Variants in AGBL1 observed in about 807,000 individuals in gnomAD.
AGBL1 encodes the protein cytosolic carboxypeptidase 4.
In AGBL1, 130 loss-of-function variants were observed where a neutral mutation model predicts 118.9. The observed-to-expected ratio is 1.09, with a 90% confidence interval of 0.95 to 1.26. The LOEUF (loss-of-function observed/expected upper bound fraction) is 1.26. AGBL1 is among the 50% of genes most tolerant of loss of function. The pLI, the probability that AGBL1 is intolerant of heterozygous loss-of-function variation, is 0.00. For synonymous variants in AGBL1, 555 were observed against 478.9 expected (o/e 1.16, Z -2.08); for missense variants, 1,584 against 1,298.1 (o/e 1.22, Z -3.38).
At chr15:86,961,172 A>C (rs981066753) in intron 23 of AGBL1, among the ~76,000 whole-genome samples, 1 of 152,076 alleles carries the variant, frequency 6.6e-6, no homozygotes, top group African/African-American at 2.4e-5. Context: ...ATTTCACAAT[A>C]CGTATGTGTT....
intron 21 of AGBL1, among the ~76,000 whole-genome samples, chr15:86,622,437 C>G (rs916315058): frequency 1.3e-5 from 2 of 151,588 alleles, no homozygotes; most frequent in Non-Finnish European, 2.9e-5. Flanking sequence ...AAACACTGAC[C>G]AAAAGAGACC....
chr15:86,898,442 C>T (rs1274721216), intron 22 of AGBL1, among the ~76,000 whole-genome samples: 4 of 152,146 alleles, frequency 2.6e-5, no homozygotes, highest in African/African-American at 4.8e-5. Context: ...GTTATCTCAG[C>T]ACAATTTATT....
At chr15:86,470,984 C>T (rs1027831453) in intron 18 of AGBL1, among the ~76,000 whole-genome samples, 4 of 152,032 alleles carry the variant, frequency 2.6e-5, no homozygotes, top group Non-Finnish European at 5.9e-5. Context: ...GATAATTTTA[C>T]TTATTCCTTT....
At chr15:86,849,952 A>G (rs529892102) in intron 22 of AGBL1, among the ~76,000 whole-genome samples, 1 of 152,362 alleles carries the variant, frequency 6.6e-6, no homozygotes, top group Non-Finnish European at 1.5e-5. Context: ...TTTGGAAAAT[A>G]AGAAAAAAAT....
At chr15:86,958,631 G>A (rs933958979) in intron 23 of AGBL1, among the ~76,000 whole-genome samples, 1 of 152,070 alleles carries the variant, frequency 6.6e-6, no homozygotes, top group Admixed American at 6.6e-5. Flanking sequence ...AAAACTAAAT[G>A]TAAAGACTCA....
intron 21 of AGBL1, among the ~76,000 whole-genome samples, chr15:86,633,132 G>A (rs563748185): frequency 6.6e-6 from 1 of 152,070 alleles, no homozygotes; most frequent in Non-Finnish European, 1.5e-5. Context: ...TATCTTGAAA[G>A]CAACTACAGA....
chr15:86,448,460 A>G (rs1302121086), intron 18 of AGBL1, among the ~76,000 whole-genome samples: 1 of 152,236 alleles, frequency 6.6e-6, no homozygotes, highest in Non-Finnish European at 1.5e-5. Context: ...AGAAGAGGCT[A>G]CATGAATTAC....
In AGBL1 at chr15:86,209,670, GATC is replaced by G. The variant is rs1484530258; in HGVS notation, c.489-15243_489-15241del. Among the ~76,000 whole-genome samples the G allele has an allele frequency of 5.3e-5, 8 of 151,936 alleles. No homozygotes were observed. The South Asian group carries it at 1.2e-3, about 24-fold the overall frequency. On this transcript the variant is annotated intron_variant, in intron 5 of 22. Coordinates refer to ENST00000614907, the MANE Select transcript of AGBL1 (RefSeq NM_001386094.1). ...TTTTTTGCTTTCCGTTTGCTTGGTA[GATC>G]TTCTTCCATCCCTTTATTTTGAGCC... is the stretch of plus-strand genomic sequence containing the variant.
At chr15:86,917,582 C>A (rs1222427599), downstream of AGBL1, among the ~76,000 whole-genome samples, 2 of 152,196 alleles carry the variant, frequency 1.3e-5, no homozygotes, top group Admixed American at 6.5e-5. The surrounding 1 kb of genome is among the most constrained non-coding windows in gnomAD (Gnocchi z 4.8). Context: ...ATGCGGATCA[C>A]CTCTACAACC....
At chr15:86,079,827 G>A (rs1256194965), upstream of AGBL1, 2 of 466,132 alleles carry the variant, frequency 4.3e-6, no homozygotes, top group East Asian at 3.5e-5. Context: ...GTTGCACCGC[G>A]CTGACTTCAC....
chr15:86,158,459 C>T (rs1203742703), intron 4 of AGBL1, among the ~76,000 whole-genome samples: 1 of 152,120 alleles, frequency 6.6e-6, no homozygotes, highest in Admixed American at 6.6e-5. Flanking sequence ...CTGTGGACTC[C>T]TCTTATTTTC....
intron 21 of AGBL1, among the ~76,000 whole-genome samples, chr15:86,556,621 G>A (rs1056936275): frequency 8.5e-5 from 13 of 152,254 alleles, no homozygotes; most frequent in East Asian, 3.9e-4. Flanking sequence ...TGATTTTTGC[G>A]TAAGGTACAT....
At chr15:86,399,742 C>T (rs1463308716) in intron 18 of AGBL1, among the ~76,000 whole-genome samples, 1 of 152,232 alleles carries the variant, frequency 6.6e-6, no homozygotes, top group African/African-American at 2.4e-5. Context: ...CTGGCCTGGA[C>T]ACACATTATT....
At chr15:86,472,882 G>A (rs1488652691) in intron 18 of AGBL1, among the ~76,000 whole-genome samples, 2 of 152,158 alleles carry the variant, frequency 1.3e-5, no homozygotes, top group Non-Finnish European at 2.9e-5. Flanking sequence ...TTGCACCACT[G>A]CACTCTAGTC....
intron 6 of AGBL1, among the ~76,000 whole-genome samples, chr15:86,227,583 G>T (rs76696516): frequency 0.024 from 3,591 of 152,306 alleles, 120 homozygotes; most frequent in African/African-American, 0.075. Context: ...CCCCATGGGG[G>T]GTGGACAGTA....
At chr15:86,126,460 T>C (rs1777437689) in intron 1 of AGBL1, among the ~76,000 whole-genome samples, 1 of 152,196 alleles carries the variant, frequency 6.6e-6, no homozygotes, top group African/African-American at 2.4e-5. Context: ...GATGGAATGT[T>C]TATATTTCCA....
At chr15:86,172,171 A>G (rs1187757612) in intron 5 of AGBL1, among the ~76,000 whole-genome samples, 1 of 152,206 alleles carries the variant, frequency 6.6e-6, no homozygotes, top group Non-Finnish European at 1.5e-5. Flanking sequence ...CCTGTTCTCC[A>G]AAAACCTATT....
At chr15:86,338,626 A>G (rs944956714) in intron 17 of AGBL1, among the ~76,000 whole-genome samples, 6 of 152,136 alleles carry the variant, frequency 3.9e-5, no homozygotes, top group Non-Finnish European at 8.8e-5. Flanking sequence ...TTTTGGACCC[A>G]TTTTGAAGGC....
At chr15:86,438,909 C>T (rs1413805042) in intron 18 of AGBL1, among the ~76,000 whole-genome samples, 1 of 152,062 alleles carries the variant, frequency 6.6e-6, no homozygotes, top group Non-Finnish European at 1.5e-5. Context: ...TGATCCACCA[C>T]CTCGGCCTCC....
Sources: gnomAD v4.1 joint callset for allele counts (sites outside exome capture counted in the v4.1 genomes callset) on GRCh38, gnomAD v4.1.1 for gene constraint, Gnocchi (gnomAD v3.1) non-coding constraint, MANE v1.5 for transcripts, NCBI Gene and HGNC (gene_info 2026-07-23, HGNC 2026-07-21) for gene names.